TYW1: variants seen among roughly 807,000 people sequenced by gnomAD.
TYW1 encodes the protein tRNA-yW synthesizing protein 1 homolog.
Under a neutral mutation model 96.2 loss-of-function variants are expected in TYW1, and 46 were observed. The ratio of observed to expected loss-of-function variants is 0.48; its 90% confidence interval spans 0.38 to 0.61. The LOEUF is 0.61. TYW1 is among the 20% of genes least tolerant of loss of function. The pLI is 0.00. For synonymous variants in TYW1, 274 were observed against 323.0 expected, an observed-to-expected ratio of 0.85 and a Z score of 1.63; for missense variants, 684 against 909.6, an observed-to-expected ratio of 0.75 and a Z score of 3.19.
chr7:67,215,475 T>C (rs1801172744), intron 15 of TYW1, among the ~76,000 whole-genome samples: 1 of 152,078 alleles, frequency 6.6e-6, no homozygotes, highest in Non-Finnish European at 1.5e-5. Context: ...GTTCATTTAC[T>C]TTTTAAAAGT....
rs537126059 is a variant in TYW1 at position 66,999,383 on chromosome 7, C to T, written c.273+429C>T. ...TTTATTTTGTTTTTTGAGACAGAGTCTCACTCTGTCACCCAGGCTGGAGTG... is the reference window on the plus strand; with the variant it reads ...TTTATTTTGTTTTTTGAGACAGAGTTTCACTCTGTCACCCAGGCTGGAGTG... On this transcript the variant is annotated intron_variant, in intron 3 of 15. Coordinates refer to ENST00000359626, the MANE Select transcript of TYW1 (RefSeq NM_018264.4). 5.3e-5 allele frequency among the ~76,000 whole-genome samples: 8 copies of T among 152,300 alleles called. No individual in the cohort carries two copies. The South Asian group carries it at 1.0e-3, about 20-fold the overall frequency.
At chr7:67,130,931 G>T (rs1378452504) in intron 13 of TYW1, among the ~76,000 whole-genome samples, 1 of 152,132 alleles carries the variant, frequency 6.6e-6, no homozygotes, top group Non-Finnish European at 1.5e-5. Flanking sequence ...GAATTGAAAA[G>T]TCCCCTAGGG....
At chr7:67,209,071 G>A (rs1257376223) in intron 15 of TYW1, among the ~76,000 whole-genome samples, 1 of 152,224 alleles carries the variant, frequency 6.6e-6, no homozygotes, top group African/African-American at 2.4e-5. Context: ...GGCTAGGATA[G>A]TAAGTATGAC....
rs1326547513 is a variant in TYW1, at chr7:66,996,940, C to G, written c.-39C>G. 6.2e-7 allele frequency: 1 copy of G among 1,613,980 alleles called. No homozygotes were observed. Among genetic ancestry groups the G allele is most frequent in the African/African-American group, 1.3e-5 (1 of 75,084 alleles). ...TACCAGTGCGAATCATCGGGCTATC[C>G]AGGTCCGAGATCCTAGTCTCCTGTC... On this transcript the variant is annotated 5_prime_UTR_variant, in exon 1 of 16. Coordinates refer to ENST00000359626, the MANE Select transcript of TYW1 (RefSeq NM_018264.4).
At chr7:67,121,973 G>A (rs1177751128) in intron 13 of TYW1, among the ~76,000 whole-genome samples, 3 of 142,498 alleles carry the variant, frequency 2.1e-5, no homozygotes, top group Non-Finnish European at 4.5e-5. Context: ...TTCTGTCCGC[G>A]ATAGCTACTT....
intron 13 of TYW1, among the ~76,000 whole-genome samples, chr7:67,168,534 T>G (rs759897994): frequency 4.6e-5 from 7 of 152,152 alleles, no homozygotes; most frequent in Non-Finnish European, 7.3e-5. Flanking sequence ...TTTATCAATT[T>G]TATTAAGTTG....
intron 15 of TYW1, among the ~76,000 whole-genome samples, chr7:67,202,832 T>G (rs568410986): frequency 6.6e-6 from 1 of 152,330 alleles, no homozygotes; most frequent in Non-Finnish European, 1.5e-5. Flanking sequence ...GTCTTTACTT[T>G]AAAACAATTA....
At chr7:67,130,273 C>G (rs528089318) in intron 13 of TYW1, among the ~76,000 whole-genome samples, 2 of 151,892 alleles carry the variant, frequency 1.3e-5, no homozygotes, top group East Asian at 1.9e-4. Context: ...CCCAGCTACT[C>G]GGGAGGCTGA....
At chr7:67,004,134 A>T (rs141747025) in intron 3 of TYW1, among the ~76,000 whole-genome samples, 130 of 152,322 alleles carry the variant, frequency 8.5e-4, no homozygotes, top group Middle Eastern at 3.4e-3. Flanking sequence ...ATATTTTAAC[A>T]TAAGTAACTC....
chr7:67,197,952 T>TCC (rs1563067011), intron 15 of TYW1, among the ~76,000 whole-genome samples: 1 of 125,976 alleles, frequency 7.9e-6, no homozygotes, highest in Non-Finnish European at 1.6e-5. Context: ...CTCCCTTCCC[T>TCC]ACCCCTGCCC....
chr7:67,050,510 G>A (rs1160933785), intron 8 of TYW1, among the ~76,000 whole-genome samples: 1 of 151,978 alleles, frequency 6.6e-6, no homozygotes, highest in African/African-American at 2.4e-5. Flanking sequence ...TCAGTAGACC[G>A]ACCTCCTTTC....
chr7:67,165,469 A>T (rs1400263600), intron 13 of TYW1, among the ~76,000 whole-genome samples: 1 of 151,168 alleles, frequency 6.6e-6, no homozygotes, highest in African/African-American at 2.4e-5. Context: ...TAATATAACC[A>T]ATTCCGTGTA....
intron 6 of TYW1, among the ~76,000 whole-genome samples, chr7:67,020,501 G>A (rs1333171861): frequency 2.0e-5 from 3 of 152,252 alleles, no homozygotes; most frequent in Non-Finnish European, 4.4e-5. Flanking sequence ...GCCTCCCAAA[G>A]TGCTGGGATT....
At chr7:67,180,386 T>TATATATATATATATATATA (rs1799797667) in intron 13 of TYW1, among the ~76,000 whole-genome samples, 1 of 111,598 alleles carries the variant, frequency 9.0e-6, no homozygotes, top group Non-Finnish European at 1.8e-5. Flanking sequence ...AGCTGTTGGT[T>TATATATATATATATATATA]TATATATATA....
At chr7:67,025,704 G>A (rs927691764) in intron 7 of TYW1, among the ~76,000 whole-genome samples, 1 of 152,152 alleles carries the variant, frequency 6.6e-6, no homozygotes, top group African/African-American at 2.4e-5. Flanking sequence ...CTAGATGAAT[G>A]TGAGAATGTA....
intron 13 of TYW1, among the ~76,000 whole-genome samples, chr7:67,121,474 GA>G (rs1440030199): frequency 6.6e-6 from 1 of 152,216 alleles, no homozygotes; most frequent in Non-Finnish European, 1.5e-5. Context: ...CGAGGAGGCG[GA>G]GGTTGTAGTG....
chr7:67,210,945 ATCTG>A (rs1159181477), intron 15 of TYW1, among the ~76,000 whole-genome samples: 9 of 148,848 alleles, frequency 6.0e-5, no homozygotes, highest in Non-Finnish European at 1.0e-4. Context: ...TCCATCCATC[ATCTG>A]TCTGTCTGTC....
chr7:67,133,308 T>G (rs1798144524), intron 13 of TYW1, among the ~76,000 whole-genome samples: 1 of 151,910 alleles, frequency 6.6e-6, no homozygotes. Context: ...TGGCTAATTT[T>G]TTTGATTCTT....
At chr7:67,220,841 G>A (rs1474192296) in intron 15 of TYW1, among the ~76,000 whole-genome samples, 12 of 151,346 alleles carry the variant, frequency 7.9e-5, no homozygotes, top group Non-Finnish European at 1.2e-4. Context: ...AGGTTCAAGC[G>A]ATTCTTCTGC....
Sources: gnomAD v4.1 joint callset for allele counts (sites outside exome capture counted in the v4.1 genomes callset) on GRCh38, gnomAD v4.1.1 for gene constraint, MANE v1.5 for transcripts, NCBI Gene and HGNC (gene_info 2026-07-23, HGNC 2026-07-21) for gene names.